The following PTH2R variants were observed in gnomAD, a reference collection of about 807,000 sequenced individuals.
PTH2R encodes PTH2 receptor.
A neutral mutation model predicts 60.3 loss-of-function variants in PTH2R; 59 were observed. That is an observed-to-expected ratio of 0.98 (90% CI 0.79 to 1.22). PTH2R has a LOEUF of 1.22. Ranked by LOEUF, PTH2R falls within the 50% of genes most tolerant of loss-of-function variation. The pLI, the probability that PTH2R is intolerant of heterozygous loss-of-function variation, is 0.00. For missense variants in PTH2R, 749 were observed against 682.6 expected (o/e 1.10, Z -1.08); for synonymous variants, 256 against 243.8 (o/e 1.05, Z -0.47).
intron 1 of PTH2R, among the ~76,000 whole-genome samples, chr2:208,386,558 TAGTC>T (rs556639624): frequency 6.9e-4 from 105 of 152,272 alleles, no homozygotes; most frequent in East Asian, 6.0e-3. Context: ...ATATGCATAA[TAGTC>T]AGGTTGGGTT....
At chr2:208,386,620 G>A (rs954299488) in intron 1 of PTH2R, among the ~76,000 whole-genome samples, 2 of 152,146 alleles carry the variant, frequency 1.3e-5, no homozygotes, top group East Asian at 1.9e-4. Flanking sequence ...GCAGACATTT[G>A]TTTCTCACAG....
intron 1 of PTH2R, among the ~76,000 whole-genome samples, chr2:208,392,824 A>C (rs976739785): frequency 6.6e-6 from 1 of 152,156 alleles, no homozygotes; most frequent in Non-Finnish European, 1.5e-5. Context: ...CTTGTGCTGT[A>C]ATGGCAGACT....
intron 9 of PTH2R, among the ~76,000 whole-genome samples, chr2:208,462,881 G>T (rs892296532): frequency 2.0e-5 from 3 of 152,198 alleles, no homozygotes; most frequent in African/African-American, 7.2e-5. Context: ...CCCTGAAGGG[G>T]CTTCTAAGCC....
At chr2:208,399,526 T>A (rs1048007686) in intron 1 of PTH2R, among the ~76,000 whole-genome samples, 1 of 152,016 alleles carries the variant, frequency 6.6e-6, no homozygotes, top group Non-Finnish European at 1.5e-5. Flanking sequence ...TCCAAGTAGG[T>A]GATTAAAAAC....
At chr2:208,490,241 G>A (rs147367858) in intron 11 of PTH2R, among the ~76,000 whole-genome samples, 35 of 152,022 alleles carry the variant, frequency 2.3e-4, no homozygotes, top group African/African-American at 8.0e-4. Flanking sequence ...TTGAATGAAC[G>A]AAATAAAAGG....
At chr2:208,386,628 C>T (rs1701007566) in intron 1 of PTH2R, among the ~76,000 whole-genome samples, 2 of 152,278 alleles carry the variant, frequency 1.3e-5, no homozygotes, top group Middle Eastern at 3.4e-3. Context: ...TTGTTTCTCA[C>T]AGTTCTGGAG....
chr2:208,410,253 C>A (rs1362325704), intron 1 of PTH2R, among the ~76,000 whole-genome samples: 4 of 152,140 alleles, frequency 2.6e-5, no homozygotes, highest in Non-Finnish European at 5.9e-5. Context: ...ATCACAGTAA[C>A]TTTATGAGAT....
intron 1 of PTH2R, among the ~76,000 whole-genome samples, chr2:208,381,929 G>T (rs1447435159): frequency 6.6e-6 from 1 of 152,090 alleles, no homozygotes; most frequent in Admixed American, 6.5e-5. Context: ...GTAGGAATTT[G>T]TTAGAGAGCA....
At chr2:208,420,124 G>A (rs1476218219) in intron 1 of PTH2R, among the ~76,000 whole-genome samples, 5 of 151,918 alleles carry the variant, frequency 3.3e-5, no homozygotes, top group African/African-American at 7.3e-5. Context: ...ATCACACACC[G>A]GGGACTGTTG....
At chr2:208,403,021 C>T (rs1419804653), upstream of PTH2R, among the ~76,000 whole-genome samples, 1 of 152,106 alleles carries the variant, frequency 6.6e-6, no homozygotes, top group Non-Finnish European at 1.5e-5. Context: ...TAGGTACTAC[C>T]CCTAAAATGG....
chr2:208,462,784 C>T (rs1435472371), intron 9 of PTH2R, among the ~76,000 whole-genome samples: 3 of 152,162 alleles, frequency 2.0e-5, no homozygotes. Context: ...GCAAGTGGTA[C>T]GAGAGCATTC....
intron 8 of PTH2R, among the ~76,000 whole-genome samples, chr2:208,456,289 G>A (rs1702513632): frequency 6.6e-6 from 1 of 152,066 alleles, no homozygotes; most frequent in Non-Finnish European, 1.5e-5. Context: ...AGATAATCAA[G>A]TAGGTTGGGC....
At chr2:208,367,704 C>T (rs1700620136) in intron 1 of PTH2R, among the ~76,000 whole-genome samples, 1 of 152,168 alleles carries the variant, frequency 6.6e-6, no homozygotes, top group South Asian at 2.1e-4. Flanking sequence ...CATGGACTTG[C>T]ATACCTCCAG....
intron 1 of PTH2R, among the ~76,000 whole-genome samples, chr2:208,424,529 T>C (rs1187567317): frequency 6.6e-6 from 1 of 152,226 alleles, no homozygotes; most frequent in Admixed American, 6.5e-5. Context: ...TACTCTAGTT[T>C]GGATCTTACA....
intron 1 of PTH2R, among the ~76,000 whole-genome samples, chr2:208,370,543 C>A (rs1341023128): frequency 6.6e-6 from 1 of 151,074 alleles, no homozygotes. Context: ...CTGACCTATT[C>A]CCACGACTGG....
chr2:208,393,451 G>A (rs1574833471), intron 1 of PTH2R, among the ~76,000 whole-genome samples: 1 of 152,264 alleles, frequency 6.6e-6, no homozygotes, highest in African/African-American at 2.4e-5. Context: ...ATTAGAAAAA[G>A]GGCTTCCTTT....
At chr2:208,367,952 A>G (rs1202752144) in intron 1 of PTH2R, among the ~76,000 whole-genome samples, 1 of 152,230 alleles carries the variant, frequency 6.6e-6, no homozygotes, top group Middle Eastern at 3.2e-3. Context: ...TACTTAGGCC[A>G]TAAAATATTT....
At chr2:208,468,455 C>T (rs1365502132) in intron 9 of PTH2R, among the ~76,000 whole-genome samples, 2 of 152,178 alleles carry the variant, frequency 1.3e-5, no homozygotes, top group Non-Finnish European at 2.9e-5. Context: ...GAACTCCATG[C>T]ACTTATAATA....
intron 11 of PTH2R, 109 bp from the exon 12 acceptor site, chr2:208,490,530 T>C (rs1703379002): frequency 3.3e-6 from 3 of 921,210 alleles, no homozygotes; most frequent in Admixed American, 5.2e-5. Flanking sequence ...TATAATTCTC[T>C]GAAGGAATCA....
Sources: gnomAD v4.1 joint callset for allele counts (sites outside exome capture counted in the v4.1 genomes callset) on GRCh38, gnomAD v4.1.1 for gene constraint, MANE v1.5 for transcripts, NCBI Gene and HGNC (gene_info 2026-07-23, HGNC 2026-07-21) for gene names.